The following DPY19L3 variants were observed in gnomAD, a reference collection of about 807,000 sequenced individuals.
DPY19L3 encodes dpy-19 like C-mannosyltransferase 3, also known as protein C-mannosyl-transferase DPY19L3.
In DPY19L3, 51 loss-of-function variants were observed where a neutral mutation model predicts 92.3. The observed-to-expected ratio is 0.55, with a 90% CI of 0.44 to 0.70. The LOEUF (loss-of-function observed/expected upper bound fraction) is 0.70. Ranked by LOEUF, DPY19L3 falls within the 30% of genes least tolerant of loss-of-function variation. The pLI is 0.00. For synonymous variants in DPY19L3, 309 were observed against 315.2 expected (o/e 0.98, Z 0.21); for missense variants, 706 against 855.9 (o/e 0.82, Z 2.18).
At chr19:32,463,251 A>T in intron 12 of DPY19L3, 115 bp from the exon 13 acceptor site, 6 of 1,166,058 alleles carry the variant, frequency 5.1e-6, no homozygotes, top group Non-Finnish European at 7.3e-6. Context: ...ATCTTATGGA[A>T]ATAATCAATT....
rs527655798 is a variant in DPY19L3, at chr19:32,465,048, A to T, written c.1614+264A>T. 9.2e-5 allele frequency among the ~76,000 whole-genome samples: 14 copies of T among 152,372 alleles called. No individual in the cohort carries two copies. In the East Asian group the frequency reaches 2.5e-3, roughly 27 times the overall value. On this transcript the variant is annotated intron_variant, in intron 15 of 18. Transcript: ENST00000392250. ...GATTTAGACTCTTAATATTCAGCTG[A>T]TGCAAATTCTGAAAATAAGGTGTTT...
In DPY19L3 at chr19:32,479,392, C is replaced by T. The variant is rs555000122; in HGVS notation, c.1831-1007C>T. On this transcript the variant is annotated intron_variant, in intron 17 of 18. Coordinates refer to ENST00000392250, the MANE Select transcript of DPY19L3 (RefSeq NM_001172774.2). ...ACAGAACGTCCTGGGCATCTCCTTT[C>T]CTGTCTCAGTACTAGGGTTAGGCCC... Among the ~76,000 whole-genome samples, 7 of 152,180 alleles carry T rather than the reference C, an allele frequency of 4.6e-5. No individual in the cohort carries two copies. In the South Asian group the frequency reaches 1.5e-3, roughly 32 times the overall value.
At chr19:32,430,544 T>C (rs1286895643) in intron 3 of DPY19L3, among the ~76,000 whole-genome samples, 1 of 152,158 alleles carries the variant, frequency 6.6e-6, no homozygotes, top group African/African-American at 2.4e-5. Context: ...TAAAAAGATT[T>C]AGAGGGTAGC....
chr19:32,450,944 A>G (rs988927515), intron 8 of DPY19L3, among the ~76,000 whole-genome samples: 2 of 152,224 alleles, frequency 1.3e-5, no homozygotes, highest in African/African-American at 2.4e-5. Context: ...TCTATCCCTA[A>G]GGAAATGTTT....
intron 8 of DPY19L3, 145 bp from the exon 9 acceptor site, chr19:32,453,000 C>A: frequency 1.0e-6 from 1 of 954,910 alleles, no homozygotes; most frequent in Non-Finnish European, 1.6e-6. Flanking sequence ...AGCCACCGCG[C>A]CTGGCCTAGA....
chr19:32,468,702 TTTTTGTTTTG>T lies in DPY19L3; in HGVS notation c.1615-19_1615-10del, dbSNP rs965007409. The T allele has an allele frequency of 1.9e-6, 3 of 1,611,222 alleles. No individual in the cohort carries two copies. Among genetic ancestry groups the T allele is most frequent in the Non-Finnish European group, 2.5e-6 (3 of 1,179,022 alleles). On this transcript the variant is annotated intron_variant, in intron 15 of 18. Transcript: ENST00000392250. The stretch of plus-strand genomic sequence containing the variant: ...GTTGTGGGTGTAGGGGTGGATTTTG[TTTTTGTTTTG>T]TTTTGTTTTTAATTTCAGTTCTGGC...
intron 12 of DPY19L3, among the ~76,000 whole-genome samples, chr19:32,460,958 C>T (rs1001483546): frequency 2.0e-5 from 3 of 152,108 alleles, no homozygotes; most frequent in Non-Finnish European, 2.9e-5. Context: ...CTCTGCCTTC[C>T]GGGTTCAGGC....
rs1354836020 is a variant in DPY19L3, at chr19:32,485,295, G to T, written c.*3055G>T. On this transcript the variant is annotated 3_prime_UTR_variant, in exon 19 of 19. Coordinates refer to ENST00000392250, the MANE Select transcript of DPY19L3 (RefSeq NM_001172774.2). ...CATTTGAAAAATAGGGATTCATTTC[G>T]AATATATTAGCCAGGAGCATAGTTA... 6.6e-6 allele frequency: 1 copy of T among 152,034 alleles called. No homozygotes were observed. 9.4% of individuals were successfully genotyped at this position (152,034 alleles called of 1,614,324 possible).
chr19:32,477,426 T>C, intron 16 of DPY19L3, 96 bp from the exon 17 acceptor site: 1 of 1,501,166 alleles, frequency 6.7e-7, no homozygotes, highest in Non-Finnish European at 9.1e-7. Context: ...CTTGGTAACA[T>C]AGCTGGATTC....
chr19:32,432,768 A>G lies in DPY19L3; in HGVS notation c.290A>G (p.Tyr97Cys). The G allele has an allele frequency of 6.2e-7, 1 of 1,613,966 alleles. No individual in the cohort carries two copies. Residue 97 changes from tyrosine (Y) to cysteine (C), a missense_variant, in exon 4 of 19, where the codon TAC becomes TGC. Coordinates refer to ENST00000392250, the MANE Select transcript of DPY19L3 (RefSeq NM_001172774.2). ...FRTECGLYYS[Y>C]YKQMLQAPTL... ...ACAGAGTGTGGCCTGTATTACTCCT[A>G]CTACAAGCAGATGCTGCAGGCTCCA...
At chr19:32,412,451 C>T (rs1168777854) in intron 3 of DPY19L3, 2 of 79,546 alleles carry the variant, frequency 2.5e-5, no homozygotes, top group East Asian at 7.8e-4. Flanking sequence ...TTGGCTACAA[C>T]AGGAAAAAAA....
At chr19:32,434,067 A>AT (rs1052742519) in intron 4 of DPY19L3, among the ~76,000 whole-genome samples, 2 of 152,108 alleles carry the variant, frequency 1.3e-5, no homozygotes, top group African/African-American at 2.4e-5. Flanking sequence ...CTTAGTATTC[A>AT]TTTTTTCCCC....
chr19:32,430,917 G>T (rs184831921), intron 3 of DPY19L3, among the ~76,000 whole-genome samples: 1 of 150,736 alleles, frequency 6.6e-6, no homozygotes, highest in Non-Finnish European at 1.5e-5. Flanking sequence ...ATGAGCCACC[G>T]CACCCAGCCT....
chr19:32,431,388 A>G (rs1470385801), intron 3 of DPY19L3, among the ~76,000 whole-genome samples: 1 of 151,668 alleles, frequency 6.6e-6, no homozygotes, highest in Non-Finnish European at 1.5e-5. Context: ...AAAAAAAAAA[A>G]CAGATCGAAT....
intron 6 of DPY19L3, among the ~76,000 whole-genome samples, chr19:32,438,271 TG>T (rs1969210006): frequency 6.6e-6 from 1 of 152,132 alleles, no homozygotes; most frequent in South Asian, 2.1e-4. Context: ...ACAGTCCTGT[TG>T]GGGGTTTACT....
chr19:32,422,904 C>T (rs1057487554), intron 3 of DPY19L3, among the ~76,000 whole-genome samples: 33 of 152,178 alleles, frequency 2.2e-4, no homozygotes, highest in African/African-American at 7.7e-4. Flanking sequence ...ACAGTAATGT[C>T]TAATGGTCAA....
intron 3 of DPY19L3, among the ~76,000 whole-genome samples, chr19:32,416,646 C>T (rs1469737956): frequency 6.6e-6 from 1 of 152,208 alleles, no homozygotes; most frequent in Non-Finnish European, 1.5e-5. Flanking sequence ...AAGGGAGTGA[C>T]ACATGCAGCC....
intron 16 of DPY19L3, among the ~76,000 whole-genome samples, chr19:32,469,996 C>T (rs2145617054): frequency 6.6e-6 from 1 of 152,370 alleles, no homozygotes; most frequent in Admixed American, 6.5e-5. Context: ...CTCACCAGTA[C>T]AGGTCAGCCC....
rs763227211 is a variant in DPY19L3, at chr19:32,482,087, T to A, written c.1998T>A (p.Asp666Glu). 2 of 1,606,278 alleles carry A rather than the reference T, an allele frequency of 1.2e-6. No homozygotes were observed. Among genetic ancestry groups the A allele is most frequent in the Non-Finnish European group, 1.7e-6 (2 of 1,177,818 alleles). Residue 666 changes from aspartate (D) to glutamate (E), a missense_variant, in exon 19 of 19, where the codon GAT becomes GAA. Asp to Glu is a conservative substitution (Grantham distance 45). Transcript: ENST00000392250. ...LLDIANGHMM[D>E]GPGENDPDLK... ...GTTTGTTTTGGTTTTAGATGATGGA[T>A]GGCCCAGGAGAGAATGATCCTGATT...
Sources: gnomAD v4.1 joint callset for allele counts (sites outside exome capture counted in the v4.1 genomes callset) on GRCh38, gnomAD v4.1.1 for gene constraint, MANE v1.5 for transcripts, NCBI Gene and HGNC (gene_info 2026-07-23, HGNC 2026-07-21) for gene names.